Variants in GPC5 observed in about 807,000 individuals in gnomAD.
GPC5 encodes the protein glypican 5, also known as glypican-5.
A neutral mutation model predicts 53.9 loss-of-function variants in GPC5; 47 were observed. The observed-to-expected ratio is 0.87, with a 90% CI of 0.69 to 1.11. The LOEUF is 1.11. GPC5 is among the 50% of genes most tolerant of loss of function. GPC5 has a pLI of 0.00. For synonymous variants in GPC5, 286 were observed against 263.3 expected (o/e 1.09, Z -0.84); for missense variants, 748 against 713.1 (o/e 1.05, Z -0.56).
At chr13:91,808,940 A>G (rs1290466115) in intron 5 of GPC5, among the ~76,000 whole-genome samples, 2 of 152,188 alleles carry the variant, frequency 1.3e-5, no homozygotes, top group Non-Finnish European at 2.9e-5. Context: ...AAAGCCCTCA[A>G]TATCTTTGTG....
chr13:91,674,179 A>T (rs1279579531), intron 2 of GPC5, among the ~76,000 whole-genome samples: 7 of 152,216 alleles, frequency 4.6e-5, no homozygotes, highest in Admixed American at 3.9e-4. Flanking sequence ...TGTCAAGTTG[A>T]CTGGGCCATG....
chr13:92,167,462 T>C (rs895468123), intron 7 of GPC5, among the ~76,000 whole-genome samples: 7 of 151,930 alleles, frequency 4.6e-5, no homozygotes, highest in African/African-American at 1.5e-4. Flanking sequence ...CTGTAAAAAA[T>C]AGACTTGAGG....
chr13:91,718,854 T>A (rs1422281294), intron 3 of GPC5, among the ~76,000 whole-genome samples: 1 of 152,152 alleles, frequency 6.6e-6, no homozygotes, highest in Non-Finnish European at 1.5e-5. Flanking sequence ...GGCACATACT[T>A]TGTACCCCAT....
intron 7 of GPC5, among the ~76,000 whole-genome samples, chr13:92,311,597 GAACA>G (rs768737280): frequency 1.3e-5 from 2 of 152,168 alleles, no homozygotes; most frequent in Non-Finnish European, 2.9e-5. Context: ...AGGAGGTAAA[GAACA>G]AACAAAGTCA....
chr13:92,837,475 A>G (rs1193976625), intron 7 of GPC5, among the ~76,000 whole-genome samples: 1 of 152,180 alleles, frequency 6.6e-6, no homozygotes, highest in African/African-American at 2.4e-5. Flanking sequence ...TACTTGCACT[A>G]GTATTTGCCA....
At chr13:91,897,771 T>A (rs1298023805) in intron 5 of GPC5, among the ~76,000 whole-genome samples, 2 of 152,150 alleles carry the variant, frequency 1.3e-5, no homozygotes, top group African/African-American at 2.4e-5. Flanking sequence ...TTAAAACACA[T>A]CTCGTGACTG....
rs149810745 is a variant in GPC5, at chr13:92,189,589, G to GCACACA, written c.1561+44613_1561+44618dup. On this transcript the variant is annotated intron_variant, in intron 7 of 7. Transcript: ENST00000377067. ...ATCGTGTCTGCCTTTCCATACACGT[G>GCACACA]CACACACACACACACACAAAAGTTT... is the stretch of plus-strand genomic sequence containing the variant. Among the ~76,000 whole-genome samples, 119 of 150,624 alleles carry GCACACA rather than the reference G, an allele frequency of 7.9e-4. 2 individuals are homozygous for GCACACA. The highest frequency in any genetic ancestry group is 2.7e-3 in the African/African-American group (112 of 41,134).
intron 3 of GPC5, among the ~76,000 whole-genome samples, chr13:91,724,100 A>T (rs991454166): frequency 2.0e-5 from 3 of 152,190 alleles, no homozygotes; most frequent in African/African-American, 7.2e-5. Context: ...AATAAACTCA[A>T]ATTTGTTGTT....
intron 6 of GPC5, among the ~76,000 whole-genome samples, chr13:92,064,920 T>TA: frequency 6.6e-6 from 1 of 151,418 alleles, no homozygotes. Context: ...AATCCTTTTT[T>TA]TATGCAGAGA....
chr13:91,571,810 C>CGTGTGTGTATATATACACACGT lies in GPC5; in HGVS notation c.326-121377_326-121376insGTGTGTGTATATATACACACGT, dbSNP rs1555325801. Among the ~76,000 whole-genome samples, 102 of 86,664 alleles carry CGTGTGTGTATATATACACACGT rather than the reference C, an allele frequency of 1.2e-3. 21 individuals are homozygous for CGTGTGTGTATATATACACACGT. The highest frequency in any genetic ancestry group is 7.8e-3 in the African/African-American group (98 of 12,514). The allele number at this position is 86,664 out of a possible 152,430, so 56.9% of individuals were successfully genotyped here. A position where few individuals can be genotyped will look rare whatever the true frequency, so the allele number is the denominator to read the frequency against. On this transcript the variant is annotated intron_variant, in intron 2 of 7. Coordinates refer to ENST00000377067, the MANE Select transcript of GPC5 (RefSeq NM_004466.6). The stretch of plus-strand genomic sequence containing the variant: ...ATACGTGTGTGTATATATACACACA[C>CGTGTGTGTATATATACACACGT]ATACGTGTGTGTATATATACACATA...
At chr13:92,355,911 C>CTTTCCTCGT in intron 7 of GPC5, among the ~76,000 whole-genome samples, 1 of 123,502 alleles carries the variant, frequency 8.1e-6, no homozygotes, top group Admixed American at 8.8e-5. Flanking sequence ...TGCTAAATTG[C>CTTTCCTCGT]TTTCCTCGTT....
intron 7 of GPC5, among the ~76,000 whole-genome samples, chr13:92,737,692 T>C (rs769814398): frequency 6.6e-5 from 10 of 151,714 alleles, no homozygotes; most frequent in Non-Finnish European, 1.0e-4. Context: ...TTTTGAAGTG[T>C]GTGGCAAATC....
In GPC5 at chr13:92,385,409, CACATATATATACATATAT is replaced by C. The variant is rs1358721022; in HGVS notation, c.1561+240430_1561+240447del. ...ATATATACATATATACACATATATA[CACATATATATACATATAT>C]ACATATATACATATATACATATATA... On this transcript the variant is annotated intron_variant, in intron 7 of 7. Transcript: ENST00000377067. Among the ~76,000 whole-genome samples, 70 of 68,486 alleles carry C rather than the reference CACATATATATACATATAT, an allele frequency of 1.0e-3. 7 individuals carry two copies. The highest frequency in any genetic ancestry group is 3.3e-3 in the Admixed American group (18 of 5,482). The allele number at this position is 68,486 out of a possible 152,430, so 44.9% of individuals were successfully genotyped here. A position where few individuals can be genotyped will look rare whatever the true frequency, so the allele number is the denominator to read the frequency against.
chr13:92,579,501 A>G (rs1319228714), intron 7 of GPC5, among the ~76,000 whole-genome samples: 1 of 151,950 alleles, frequency 6.6e-6, no homozygotes, highest in Non-Finnish European at 1.5e-5. Context: ...ATCACCAGTT[A>G]GCTTGCTGAA....
chr13:92,657,041 A>T (rs1013226650), intron 7 of GPC5, among the ~76,000 whole-genome samples: 1 of 152,192 alleles, frequency 6.6e-6, no homozygotes, highest in African/African-American at 2.4e-5. Context: ...AAAGAAATGA[A>T]ATAATTTTAG....
intron 7 of GPC5, among the ~76,000 whole-genome samples, chr13:92,165,554 C>T (rs2042021196): frequency 6.6e-6 from 1 of 152,112 alleles, no homozygotes; most frequent in African/African-American, 2.4e-5. Flanking sequence ...AAAAGCCCCT[C>T]ACAAAATGAT....
intron 7 of GPC5, among the ~76,000 whole-genome samples, chr13:92,226,952 C>T (rs2042491429): frequency 6.6e-6 from 1 of 152,118 alleles, no homozygotes; most frequent in Admixed American, 6.5e-5. Flanking sequence ...TAGAAGACCC[C>T]AGAAAGTCCC....
chr13:92,010,355 A>C (rs983376145), intron 6 of GPC5, among the ~76,000 whole-genome samples: 3 of 152,210 alleles, frequency 2.0e-5, no homozygotes, highest in African/African-American at 7.2e-5. Flanking sequence ...TAGGACAGTA[A>C]ATCACATATA....
chr13:91,776,811 G>T (rs1403178369), intron 5 of GPC5, among the ~76,000 whole-genome samples: 2 of 152,158 alleles, frequency 1.3e-5, no homozygotes, highest in Non-Finnish European at 2.9e-5. Context: ...AATGTCAGTG[G>T]TATGGCTCAC....
Sources: allele counts gnomAD v4.1 joint callset (sites outside exome capture counted in the v4.1 genomes callset), GRCh38; gene constraint gnomAD v4.1.1; transcripts MANE v1.5; gene names NCBI Gene and HGNC (gene_info 2026-07-23, HGNC 2026-07-21).